The following KCNK2 variants were observed in gnomAD, a reference collection of about 807,000 sequenced individuals.
KCNK2 encodes potassium channel subfamily K member 2.
In KCNK2, 21 loss-of-function variants were observed where a neutral mutation model predicts 40.5. The ratio of observed to expected loss-of-function variants is 0.52; its 90% CI spans 0.37 to 0.75. The LOEUF is 0.75. KCNK2 is among the 30% of genes least tolerant of loss of function. The pLI, the probability that KCNK2 is intolerant of heterozygous loss-of-function variation, is 0.00. For synonymous variants in KCNK2, 191 were observed against 202.2 expected (o/e 0.94, Z 0.47); for missense variants, 399 against 531.6 (o/e 0.75, Z 2.45).
In KCNK2 at chr1:215,083,221, G is replaced by T; in HGVS notation, c.-165G>T. On this transcript the variant is annotated 5_prime_UTR_variant, in exon 1 of 7. Coordinates refer to ENST00000444842, the MANE Select transcript of KCNK2 (RefSeq NM_001017425.3). The stretch of plus-strand genomic sequence containing the variant: ...CCCCCCCCGCCCCCTCCCGCGTCCA[G>T]CCCCGCTCTCCCCACCTTGTAAAAC... 1 of 537,716 alleles carries T rather than the reference G, an allele frequency of 1.9e-6. No individual in the cohort carries two copies. Among genetic ancestry groups the T allele is most frequent in the Non-Finnish European group, 2.7e-6 (1 of 372,910 alleles). 33.3% of individuals were successfully genotyped at this position (537,716 alleles called of 1,614,324 possible).
At position 215,236,052 on chromosome 1, in the gene KCNK2, C is replaced by CTAT. The variant is rs761339677; in HGVS notation, c.*908_*910dup. The CTAT allele has an allele frequency of 4.4e-4, 59 of 134,330 alleles. No individual in the cohort carries two copies. Among genetic ancestry groups the CTAT allele is most frequent in the African/African-American group, 1.6e-3 (57 of 35,674 alleles). The allele number at this position is 134,330 out of a possible 1,614,324, so 8.3% of individuals were successfully genotyped here. A position where few individuals can be genotyped will look rare whatever the true frequency, so the allele number is the denominator to read the frequency against. ...TTAAAGGCAGAAGAAGAAAATCTATCTATCTATCTATCTATCTATCTATCT... is the reference window on the plus strand; with the variant it reads ...TTAAAGGCAGAAGAAGAAAATCTATCTATTATCTATCTATCTATCTATCTATCT... On this transcript the variant is annotated 3_prime_UTR_variant, in exon 7 of 7. Transcript: ENST00000444842.
chr1:215,204,111 ATT>A (rs769454326), intron 6 of KCNK2, among the ~76,000 whole-genome samples: 1 of 136,612 alleles, frequency 7.3e-6, no homozygotes. Context: ...CCACATGCTC[ATT>A]TTTTTTTTTT....
chr1:215,201,395 G>A (rs769114331), intron 6 of KCNK2, among the ~76,000 whole-genome samples: 6 of 152,150 alleles, frequency 3.9e-5, no homozygotes, highest in Admixed American at 6.5e-5. Context: ...CCCTGGCATG[G>A]GTGCAATACA....
At chr1:215,207,154 C>T (rs182482328) in intron 6 of KCNK2, among the ~76,000 whole-genome samples, 1 of 152,252 alleles carries the variant, frequency 6.6e-6, no homozygotes. Context: ...GTCCCCAACC[C>T]CTGGGCTGAA....
intron 6 of KCNK2, 60 bp from the exon 7 acceptor site, chr1:215,234,768 C>A: frequency 7.0e-7 from 1 of 1,427,712 alleles, no homozygotes; most frequent in South Asian, 1.3e-5. Context: ...GAAGATAAAG[C>A]ATAGAAAATG....
At chr1:215,221,042 C>T (rs6674923) in intron 6 of KCNK2, among the ~76,000 whole-genome samples, 29,401 of 152,210 alleles carry the variant, frequency 0.19, 3,015 homozygotes, top group Middle Eastern at 0.29. Context: ...TTTCCCTGCA[C>T]AGTCAAAAAT....
At chr1:215,127,622 T>C (rs1661491397) in intron 3 of KCNK2, among the ~76,000 whole-genome samples, 1 of 152,198 alleles carries the variant, frequency 6.6e-6, no homozygotes, top group African/African-American at 2.4e-5. Flanking sequence ...AGAAACCTTC[T>C]GTTCAGAACT....
chr1:215,232,361 C>A (rs1013594351), intron 6 of KCNK2, among the ~76,000 whole-genome samples: 5 of 151,994 alleles, frequency 3.3e-5, no homozygotes, highest in African/African-American at 4.8e-5. Flanking sequence ...ACTATAAGAC[C>A]TTTTTTTGCA....
chr1:215,205,531 CTG>C (rs1558138109), intron 6 of KCNK2, among the ~76,000 whole-genome samples: 1 of 152,180 alleles, frequency 6.6e-6, no homozygotes, highest in Non-Finnish European at 1.5e-5. Context: ...GCGTGAGCCA[CTG>C]TGTCCGGCTG....
intron 5 of KCNK2, among the ~76,000 whole-genome samples, chr1:215,175,188 G>C (rs1287121006): frequency 6.6e-6 from 1 of 152,020 alleles, no homozygotes; most frequent in Non-Finnish European, 1.5e-5. Context: ...GGGCTGTTTA[G>C]TTTTGTCAAA....
In KCNK2 at chr1:215,234,179, G is replaced by A. The variant is rs61819679; in HGVS notation, c.964-649G>A. ...TGTTTCCCAAGTGGGCTTCAAGGTGGACTTAACAGTTATTATTTATTTGCA... is the reference window on the plus strand; with the variant it reads ...TGTTTCCCAAGTGGGCTTCAAGGTGAACTTAACAGTTATTATTTATTTGCA... On this transcript the variant is annotated intron_variant, in intron 6 of 6. Transcript: ENST00000444842. Among the ~76,000 whole-genome samples the A allele has an allele frequency of 3.4e-3, 516 of 152,254 alleles. 4 individuals are homozygous for A. Among genetic ancestry groups the A allele is most frequent in the Non-Finnish European group, 5.4e-3 (370 of 68,026 alleles).
chr1:215,099,669 C>T (rs1001583256), intron 2 of KCNK2, among the ~76,000 whole-genome samples: 1 of 151,852 alleles, frequency 6.6e-6, no homozygotes, highest in African/African-American at 2.4e-5. Context: ...TCTCAGTAGA[C>T]CCCATCACAT....
chr1:215,065,204 C>T (rs1198609415), intron 1 of KCNK2, among the ~76,000 whole-genome samples: 7 of 152,130 alleles, frequency 4.6e-5, no homozygotes, highest in African/African-American at 1.2e-4. Context: ...TTTAGGGGCA[C>T]TCCTAATTTG....
intron 1 of KCNK2, among the ~76,000 whole-genome samples, chr1:215,039,230 C>A (rs1657485371): frequency 6.6e-6 from 1 of 152,168 alleles, no homozygotes; most frequent in South Asian, 2.1e-4. Context: ...TGGTCTTTAA[C>A]CTTTATCAAC....
chr1:215,188,270 TG>T (rs1664532559), intron 5 of KCNK2, among the ~76,000 whole-genome samples: 1 of 152,142 alleles, frequency 6.6e-6, no homozygotes, highest in African/African-American at 2.4e-5. Context: ...CAATACAATT[TG>T]GGACTTTCCC....
At chr1:215,107,694 G>GT (rs917234322) in intron 2 of KCNK2, among the ~76,000 whole-genome samples, 51 of 149,836 alleles carry the variant, frequency 3.4e-4, no homozygotes, top group African/African-American at 9.5e-4. Context: ...CAAGTTATTT[G>GT]TTTTTTTTTC....
chr1:215,049,822 G>A (rs1657919438), intron 1 of KCNK2, among the ~76,000 whole-genome samples: 1 of 152,042 alleles, frequency 6.6e-6, no homozygotes, highest in African/African-American at 2.4e-5. Context: ...TATTTGTGTG[G>A]ATTTAGTTGT....
chr1:215,123,206 G>A (rs1478381022), intron 2 of KCNK2, among the ~76,000 whole-genome samples: 2 of 132,648 alleles, frequency 1.5e-5, no homozygotes, highest in Non-Finnish European at 3.4e-5. Context: ...ATTGGGCAAT[G>A]ATTAAATAAA....
At chr1:215,086,012 C>G (rs1571894774) in intron 1 of KCNK2, among the ~76,000 whole-genome samples, 1 of 152,290 alleles carries the variant, frequency 6.6e-6, no homozygotes, top group East Asian at 1.9e-4. Context: ...ACCATCAACT[C>G]TTAGGAGTTC....
Sources: gnomAD v4.1 joint callset for allele counts (sites outside exome capture counted in the v4.1 genomes callset) on GRCh38, gnomAD v4.1.1 for gene constraint, MANE v1.5 for transcripts, NCBI Gene and HGNC (gene_info 2026-07-23, HGNC 2026-07-21) for gene names.